The following ARHGAP24 variants were observed in gnomAD, a reference collection of about 807,000 sequenced individuals.
ARHGAP24 encodes Rho GTPase activating protein 24.
ARHGAP24 carries 50 observed loss-of-function variants against 76.4 expected under a neutral mutation model. The observed-to-expected ratio is 0.65, with a 90% CI of 0.52 to 0.83. The LOEUF (loss-of-function observed/expected upper bound fraction) is 0.83. Ranked by LOEUF, ARHGAP24 falls within the 40% of genes least tolerant of loss-of-function variation. ARHGAP24 has a pLI of 0.00. For synonymous variants in ARHGAP24, 345 were observed against 323.3 expected (o/e 1.07, Z -0.72); for missense variants, 930 against 914.2 (o/e 1.02, Z -0.22).
intron 3 of ARHGAP24, 104 bp from the exon 4 acceptor site, chr4:85,923,544 C>G (rs527859674): frequency 1.3e-6 from 2 of 1,488,792 alleles, no homozygotes; most frequent in Admixed American, 1.8e-5. Flanking sequence ...GAACTTAGTG[C>G]GGGCTGTATT....
chr4:85,930,327 TG>T (rs533415832), intron 4 of ARHGAP24: 7 of 985,454 alleles, frequency 7.1e-6, no homozygotes, highest in Non-Finnish European at 8.4e-6. Flanking sequence ...CATCAAAGGA[TG>T]GGGGGTGCTA....
chr4:85,576,167 C>T (rs1486879448), intron 2 of ARHGAP24, among the ~76,000 whole-genome samples: 1 of 151,852 alleles, frequency 6.6e-6, no homozygotes, highest in Non-Finnish European at 1.5e-5. Context: ...CAGTGGCTCA[C>T]GCCTGTAATC....
At chr4:85,825,255 T>G (rs1729658045) in intron 3 of ARHGAP24, among the ~76,000 whole-genome samples, 1 of 152,180 alleles carries the variant, frequency 6.6e-6, no homozygotes, top group Non-Finnish European at 1.5e-5. Flanking sequence ...AGATAAGATT[T>G]AAAACATTTA....
intron 3 of ARHGAP24, among the ~76,000 whole-genome samples, chr4:85,898,757 CT>C (rs1211353825): frequency 6.6e-6 from 1 of 150,890 alleles, no homozygotes; most frequent in Non-Finnish European, 1.5e-5. Context: ...ATTTTTTTTT[CT>C]TTTTTTGAGG....
At chr4:85,688,742 T>G (rs1264636645) in intron 2 of ARHGAP24, among the ~76,000 whole-genome samples, 2 of 150,810 alleles carry the variant, frequency 1.3e-5, no homozygotes, top group African/African-American at 5.0e-5. Flanking sequence ...CTATTTTGAG[T>G]TGATTTTTTT....
intron 3 of ARHGAP24, among the ~76,000 whole-genome samples, chr4:85,779,608 C>CT (rs547570154): frequency 7.2e-5 from 11 of 152,084 alleles, no homozygotes; most frequent in Non-Finnish European, 1.3e-4. Flanking sequence ...GCCTACTTTT[C>CT]TTTTTTTAAT....
chr4:85,910,953 G>T (rs962408972), intron 3 of ARHGAP24, among the ~76,000 whole-genome samples: 1 of 152,064 alleles, frequency 6.6e-6, no homozygotes, highest in African/African-American at 2.4e-5. Flanking sequence ...CTTTCATGGT[G>T]CCCTGCTCCA....
chr4:85,930,797 C>CA, intron 4 of ARHGAP24: 1 of 1,487,028 alleles, frequency 6.7e-7, no homozygotes, highest in Non-Finnish European at 9.0e-7. Flanking sequence ...CCTGGATGAT[C>CA]AAAACCTTCA....
At chr4:85,592,129 T>C (rs995261118) in intron 2 of ARHGAP24, among the ~76,000 whole-genome samples, 1 of 152,182 alleles carries the variant, frequency 6.6e-6, no homozygotes, top group African/African-American at 2.4e-5. Context: ...CCTTCCCCAC[T>C]GGCCTGACAA....
intron 3 of ARHGAP24, among the ~76,000 whole-genome samples, chr4:85,737,969 G>A (rs1725663992): frequency 6.6e-6 from 1 of 152,106 alleles, no homozygotes. Flanking sequence ...TATGTAGGCT[G>A]GAATGCAGTG....
chr4:85,812,837 A>T (rs1729070046), intron 3 of ARHGAP24, among the ~76,000 whole-genome samples: 1 of 152,208 alleles, frequency 6.6e-6, no homozygotes, highest in South Asian at 2.1e-4. Flanking sequence ...AACAACAAGG[A>T]ACTGAATCAT....
intron 1 of ARHGAP24, among the ~76,000 whole-genome samples, chr4:85,497,507 GTTC>G (rs1723625908): frequency 6.6e-6 from 1 of 152,174 alleles, no homozygotes; most frequent in Non-Finnish European, 1.5e-5. Flanking sequence ...TGCAAAATCA[GTTC>G]TTCTATGCTA....
At chr4:85,870,979 G>C (rs959879703) in intron 3 of ARHGAP24, among the ~76,000 whole-genome samples, 2 of 152,162 alleles carry the variant, frequency 1.3e-5, no homozygotes, top group African/African-American at 2.4e-5. Flanking sequence ...CCAGGGTGAT[G>C]TTGAAATAAG....
chr4:85,585,420 A>G (rs1004104113), intron 2 of ARHGAP24, among the ~76,000 whole-genome samples: 1 of 152,018 alleles, frequency 6.6e-6, no homozygotes, highest in Non-Finnish European at 1.5e-5. Flanking sequence ...GGCACTCACC[A>G]CTCACTTTTG....
At chr4:85,883,503 T>C (rs7693916) in intron 3 of ARHGAP24, among the ~76,000 whole-genome samples, 134,680 of 152,230 alleles carry the variant, frequency 0.88, 59,633 homozygotes, top group East Asian at 0.99. Flanking sequence ...CAGACTTATT[T>C]AGGGACCAGA....
chr4:85,497,829 CAA>C, intron 1 of ARHGAP24, among the ~76,000 whole-genome samples: 1 of 152,010 alleles, frequency 6.6e-6, no homozygotes, highest in East Asian at 1.9e-4. Context: ...TGGAAAAAAA[CAA>C]AAGAAAGAAA....
rs1560687933 is a variant in ARHGAP24, at chr4:85,874,786, A to ATATAATTTATATATAAAATATATTTT, written c.269-48858_269-48857insATTTATATATAAAATATATTTTTATA. Among the ~76,000 whole-genome samples the ATATAATTTATATATAAAATATATTTT allele has an allele frequency of 7.5e-4, 14 of 18,622 alleles. 2 individuals carry two copies. Among genetic ancestry groups the ATATAATTTATATATAAAATATATTTT allele is most frequent in the South Asian group, 0.011 (2 of 184 alleles). 12.2% of individuals were successfully genotyped at this position (18,622 alleles called of 152,430 possible). ...TATAATTTATATATAAAATATATTTATATATAATTTATATATAAAATATAT... is the reference window on the plus strand; with the variant it reads ...TATAATTTATATATAAAATATATTTATATAATTTATATATAAAATATATTTTTATATAATTTATATATAAAATATAT... On this transcript the variant is annotated intron_variant, in intron 3 of 9. Transcript: ENST00000395184.
intron 3 of ARHGAP24, among the ~76,000 whole-genome samples, chr4:85,833,185 G>A (rs1003689324): frequency 1.3e-5 from 2 of 151,994 alleles, no homozygotes; most frequent in African/African-American, 4.8e-5. Flanking sequence ...CACTCTCTCT[G>A]GTATCTGCAG....
intron 5 of ARHGAP24, among the ~76,000 whole-genome samples, chr4:85,943,479 C>A (rs1324156536): frequency 6.6e-6 from 1 of 152,024 alleles, no homozygotes; most frequent in Non-Finnish European, 1.5e-5. Flanking sequence ...TTTTATTATT[C>A]TTTAAGTTCT....
Sources: allele counts gnomAD v4.1 joint callset (sites outside exome capture counted in the v4.1 genomes callset), GRCh38; gene constraint gnomAD v4.1.1; transcripts MANE v1.5; gene names NCBI Gene and HGNC (gene_info 2026-07-23, HGNC 2026-07-21).